Variants in BAZ2B observed in about 807,000 individuals in gnomAD.
BAZ2B encodes bromodomain adjacent to zinc finger domain protein 2B.
In BAZ2B, 91 loss-of-function variants were observed where a neutral mutation model predicts 246.0. That is an observed-to-expected ratio of 0.37 (90% CI 0.31 to 0.44). BAZ2B has a LOEUF of 0.44. Ranked by LOEUF, BAZ2B falls within the 20% of genes least tolerant of loss-of-function variation. The pLI, the probability that BAZ2B is intolerant of heterozygous loss-of-function variation, is 1.00. For missense variants in BAZ2B, 2,332 were observed against 2,533.7 expected (o/e 0.92, Z 1.71); for synonymous variants, 855 against 860.0 (o/e 0.99, Z 0.10).
At chr2:159,485,931 G>T (rs1239639321) in intron 2 of BAZ2B, among the ~76,000 whole-genome samples, 2 of 152,042 alleles carry the variant, frequency 1.3e-5, no homozygotes, top group Non-Finnish European at 2.9e-5. Context: ...GGTAAAAGCA[G>T]TGGTTTTCAT....
chr2:159,606,238 T>G (rs12611922), intron 1 of BAZ2B, among the ~76,000 whole-genome samples: 54,838 of 152,006 alleles, frequency 0.36, 10,071 homozygotes, highest in South Asian at 0.46. Context: ...TTTTGTTGTT[T>G]CTGCCCAAAC....
intron 4 of BAZ2B, among the ~76,000 whole-genome samples, chr2:159,452,713 C>G (rs1040474322): frequency 6.6e-6 from 1 of 152,192 alleles, no homozygotes; most frequent in Non-Finnish European, 1.5e-5. Flanking sequence ...TGATGTCTTA[C>G]TGAACTACTA....
chr2:159,692,450 G>C, the BAZ2B span, among the ~76,000 whole-genome samples: 1 of 152,108 alleles, frequency 6.6e-6, no homozygotes, highest in African/African-American at 2.4e-5. Flanking sequence ...GAGCCACCGT[G>C]CCTGGCTTCT....
intron 2 of BAZ2B, among the ~76,000 whole-genome samples, chr2:159,525,593 T>A (rs1324676272): frequency 9.4e-6 from 1 of 106,496 alleles, no homozygotes; most frequent in African/African-American, 3.1e-5. Context: ...CCCCAAGATA[T>A]CTCATTATAT....
At chr2:159,695,678 T>C in the BAZ2B span, among the ~76,000 whole-genome samples, 9 of 152,298 alleles carry the variant, frequency 5.9e-5, no homozygotes, top group Non-Finnish European at 1.2e-4. Context: ...TTGAAGAAAA[T>C]GAATTGACCA....
rs530934138 is a variant in BAZ2B at position 159,325,671 on chromosome 2, T to C, written c.6191A>G (p.Lys2064Arg). 4 of 1,591,756 alleles carry C rather than the reference T, an allele frequency of 2.5e-6. No homozygotes were observed. The highest frequency in any genetic ancestry group is 2.4e-5 in the South Asian group (2 of 85,062). ...ATAATACCTGCAAAGAGCTAGGTCC[T>C]TGGAGTCATCTCTTTTAGGTTTCTT... is the stretch of plus-strand genomic sequence containing the variant. ...SVKKPKRDDS[K>R]DLALCSMILT... The change falls in exon 35 of 37, where the codon AAG becomes AGG. Residue 2064 changes from lysine to arginine, a missense_variant. By Grantham distance (26) the Lys-to-Arg change is conservative (BLOSUM62 2). Around this residue, in one of 9 missense-constraint regions of BAZ2B, gnomAD observed 210 missense variants for 232.5 expected, o/e 0.90. Coordinates refer to ENST00000392783, the MANE Select transcript of BAZ2B (RefSeq NM_013450.4).
At chr2:159,491,300 A>G (rs888565261) in intron 2 of BAZ2B, among the ~76,000 whole-genome samples, 1 of 152,198 alleles carries the variant, frequency 6.6e-6, no homozygotes, top group Non-Finnish European at 1.5e-5. Context: ...AGTAATGTGC[A>G]CTTCTGATGT....
the BAZ2B span, among the ~76,000 whole-genome samples, chr2:159,637,780 T>A: frequency 2.0e-5 from 3 of 152,198 alleles, no homozygotes; most frequent in South Asian, 6.2e-4. Context: ...TACACTGGTC[T>A]CGAACTTGTG....
chr2:159,428,733 AAGGG>A (rs2150138990), intron 11 of BAZ2B, among the ~76,000 whole-genome samples: 1 of 152,252 alleles, frequency 6.6e-6, no homozygotes, highest in South Asian at 2.1e-4. Context: ...GAAAAGCTTT[AAGGG>A]AGGAGTAAAG....
intron 3 of BAZ2B, among the ~76,000 whole-genome samples, chr2:159,475,921 CCCAGAGAGGCACCTG>C (rs2078485340): frequency 1.3e-5 from 2 of 152,130 alleles, no homozygotes; most frequent in Non-Finnish European, 2.9e-5. Flanking sequence ...GAAGCTTTGT[CCCAGAGAGGCACCTG>C]CCAGATGCCA....
chr2:159,527,226 T>A (rs1292265741), intron 2 of BAZ2B, among the ~76,000 whole-genome samples: 1 of 152,140 alleles, frequency 6.6e-6, no homozygotes, highest in African/African-American at 2.4e-5. Context: ...CTGAACATCT[T>A]TTCATGTGTT....
intron 6 of BAZ2B, among the ~76,000 whole-genome samples, chr2:159,443,036 G>A (rs1203554794): frequency 6.6e-6 from 1 of 152,112 alleles, no homozygotes; most frequent in Non-Finnish European, 1.5e-5. Context: ...TCAATTTTGG[G>A]TGGTATATAC....
At chr2:159,321,578 A>T (rs978578822) in intron 36 of BAZ2B, among the ~76,000 whole-genome samples, 1 of 152,226 alleles carries the variant, frequency 6.6e-6, no homozygotes, top group Non-Finnish European at 1.5e-5. Context: ...TCAGCCATAA[A>T]AAAAGAATGA....
At chr2:159,356,301 T>A (rs2059106533) in intron 27 of BAZ2B, among the ~76,000 whole-genome samples, 1 of 152,142 alleles carries the variant, frequency 6.6e-6, no homozygotes, top group South Asian at 2.1e-4. Flanking sequence ...AGCTTGGGTG[T>A]GGGAAGGGGT....
Position 159,327,055 on chromosome 2 carries a change from C to CTTTTT in BAZ2B, c.5944-1142_5944-1138dup, listed in dbSNP as rs67194703. Among the ~76,000 whole-genome samples the CTTTTT allele has an allele frequency of 9.7e-4, 138 of 142,922 alleles. 1 individual carries two copies. The highest frequency in any genetic ancestry group is 1.5e-3 in the Non-Finnish European group (101 of 66,184). 93.8% of individuals were successfully genotyped at this position (142,922 alleles called of 152,430 possible). A position where few individuals can be genotyped will look rare whatever the true frequency, so the allele number is the denominator to read the frequency against. ...GCAATAATTTAAAGTTGGCTGCAAT[C>CTTTTT]TTTTTTTTTTTTTTTGAGGCAGTCT... On this transcript the variant is annotated intron_variant, in intron 34 of 36. Coordinates refer to ENST00000392783, the MANE Select transcript of BAZ2B (RefSeq NM_013450.4).
intron 13 of BAZ2B, among the ~76,000 whole-genome samples, chr2:159,418,366 A>G (rs2150013249): frequency 6.6e-6 from 1 of 152,350 alleles, no homozygotes; most frequent in South Asian, 2.1e-4. Flanking sequence ...TCCAAAGGAT[A>G]GGTGAACCCT....
At chr2:159,615,328 G>A (rs1695704293) in intron 1 of BAZ2B, 1 of 152,660 alleles carries the variant, frequency 6.6e-6, no homozygotes. Flanking sequence ...GAGGGAAGCA[G>A]AGGAGTTGGG....
intron 1 of BAZ2B, among the ~76,000 whole-genome samples, chr2:159,558,324 T>G (rs576781412): frequency 6.6e-6 from 1 of 152,242 alleles, no homozygotes; most frequent in East Asian, 1.9e-4. Flanking sequence ...TGGCGCGATC[T>G]CAGCTCACCG....
intron 2 of BAZ2B, among the ~76,000 whole-genome samples, chr2:159,522,814 G>C (rs1297675813): frequency 6.6e-6 from 1 of 152,158 alleles, no homozygotes; most frequent in East Asian, 1.9e-4. Flanking sequence ...TAGAGAAACA[G>C]ACGCTTTAAA....
Sources: gnomAD v4.1 joint callset for allele counts (sites outside exome capture counted in the v4.1 genomes callset) on GRCh38, gnomAD v4.1.1 for gene constraint, gnomAD v4.1.1 regional missense constraint, MANE v1.5 for transcripts, NCBI Gene and HGNC (gene_info 2026-07-23, HGNC 2026-07-21) for gene names.